Variants in CLIP1 observed in about 807,000 individuals in gnomAD.
CLIP1 encodes the protein CAP-Gly domain containing linker protein 1.
CLIP1 carries 66 observed loss-of-function variants against 161.6 expected under a neutral mutation model. That is an observed-to-expected ratio of 0.41 (90% CI 0.33 to 0.50). The LOEUF (loss-of-function observed/expected upper bound fraction) is 0.50. CLIP1 is among the 20% of genes least tolerant of loss of function. CLIP1 has a pLI of 0.27. For synonymous variants in CLIP1, 598 were observed against 626.2 expected, an observed-to-expected ratio of 0.96 and a Z score of 0.67; for missense variants, 1,376 against 1,702.0, an observed-to-expected ratio of 0.81 and a Z score of 3.37.
In CLIP1 at chr12:122,334,538, G is replaced by C. The variant is rs1321464153; in HGVS notation, c.2626+110C>G. On this transcript the variant is annotated intron_variant, in intron 13 of 25. Coordinates refer to ENST00000620786, the MANE Select transcript of CLIP1 (RefSeq NM_001247997.2). ...CTGAGCACGGCAGGAACTTCCAGGA[G>C]AGTGAAATTAGGCTACGAGCAGTGT... The C allele has an allele frequency of 8.2e-6, 6 of 735,330 alleles. No individual in the cohort carries two copies. The East Asian group carries it at 1.6e-4, about 20-fold the overall frequency. The allele number at this position is 735,330 out of a possible 1,614,324, so 45.6% of individuals were successfully genotyped here. A position where few individuals can be genotyped will look rare whatever the true frequency, so the allele number is the denominator to read the frequency against.
rs1398687991 is a variant in CLIP1, at chr12:122,309,797, C to T, written c.3559G>A (p.Gly1187Arg). The change falls in exon 20 of 26, where the codon GGG becomes AGG. Residue 1187 changes from glycine (G) to arginine (R), a missense_variant. Transcript: ENST00000620786. The stretch of plus-strand genomic sequence containing the variant: ...CTTGTGACTTCGTCCCTGCTTCTCC[C>T]CAGCTCCTCAGCAAGTTTAACGTTC... ...EENVKLAEEL[G>R]RSRDEVTSHQ... 6.2e-7 allele frequency: 1 copy of T among 1,613,252 alleles called. No individual in the cohort carries two copies.
chr12:122,336,096 C>T (rs980728316), intron 12 of CLIP1, among the ~76,000 whole-genome samples: 9 of 152,102 alleles, frequency 5.9e-5, no homozygotes, highest in Non-Finnish European at 1.0e-4. Flanking sequence ...ATATGCCATA[C>T]AACTTGAGAT....
chr12:122,376,740 G>A (rs1047988178), intron 3 of CLIP1, among the ~76,000 whole-genome samples: 1 of 152,008 alleles, frequency 6.6e-6, no homozygotes, highest in South Asian at 2.1e-4. Context: ...AAAGTGCTGG[G>A]ATTACAGGCA....
intron 3 of CLIP1, among the ~76,000 whole-genome samples, chr12:122,368,269 G>A (rs537308638): frequency 9.2e-5 from 14 of 152,234 alleles, no homozygotes; most frequent in African/African-American, 3.4e-4. Flanking sequence ...GGCCATTGAG[G>A]GAGACAGACA....
At position 122,273,038 on chromosome 12, in the gene CLIP1, A is replaced by G; in HGVS notation, c.4154T>C (p.Phe1385Ser). The change falls in exon 26 of 26, where the codon TTT (phenylalanine) becomes TCT (serine). Residue 1385 changes from phenylalanine to serine, a missense_variant. Phe to Ser is a radical substitution (Grantham distance 155, BLOSUM62 -2). Around this residue, in one of 6 missense-constraint regions of CLIP1, gnomAD observed 948 missense variants for 1,134.8 expected, o/e 0.84. Transcript: ENST00000620786. The stretch of plus-strand genomic sequence containing the variant: ...ACAATCCTCTGTGTCGTGGAGATCA[A>G]AGCAGTCACAAATGTCACAGAAGAG... ...PRLFCDICDC[F>S]DLHDTEDCPT... The G allele has an allele frequency of 6.2e-7, 1 of 1,614,204 alleles. No homozygotes were observed. The highest frequency in any genetic ancestry group is 8.5e-7 in the Non-Finnish European group (1 of 1,180,030).
At chr12:122,327,873 T>G in intron 17 of CLIP1, 74 bp downstream of exon 17, 1 of 1,434,130 alleles carries the variant, frequency 7.0e-7, no homozygotes. Context: ...GCTGCTGCTT[T>G]CTAAGCACCC....
intron 3 of CLIP1, chr12:122,365,388 A>AC (rs2136637716): frequency 1.2e-6 from 1 of 848,764 alleles, no homozygotes; most frequent in East Asian, 2.4e-5. Flanking sequence ...TTGTAAACAA[A>AC]CAAGGGCAAG....
intron 1 of CLIP1, among the ~76,000 whole-genome samples, chr12:122,409,558 G>C (rs1956451003): frequency 1.3e-5 from 2 of 152,112 alleles, no homozygotes; most frequent in Non-Finnish European, 2.9e-5. Flanking sequence ...TCAAGACAGA[G>C]TCTCACTCTG....
intron 5 of CLIP1, among the ~76,000 whole-genome samples, chr12:122,359,882 A>C (rs1953692585): frequency 6.6e-6 from 1 of 152,222 alleles, no homozygotes. Flanking sequence ...GTCTGAGGAA[A>C]GTCTGATGCC....
chr12:122,380,962 G>C (rs918015969), intron 1 of CLIP1, among the ~76,000 whole-genome samples: 1 of 152,162 alleles, frequency 6.6e-6, no homozygotes, highest in Non-Finnish European at 1.5e-5. Context: ...CCAGGAGTTT[G>C]AGGCTGCAGT....
chr12:122,341,060 G>A lies in CLIP1; in HGVS notation c.2144C>T (p.Ser715Leu), dbSNP rs1468187624. 2 of 1,613,672 alleles carry A rather than the reference G, an allele frequency of 1.2e-6. No homozygotes were observed. Among genetic ancestry groups the A allele is most frequent in the South Asian group, 1.1e-5 (1 of 91,028 alleles). Residue 715 changes from serine to leucine, a missense_variant, in exon 11 of 26, where the codon TCG (serine) becomes TTG (leucine). Coordinates refer to ENST00000620786, the MANE Select transcript of CLIP1 (RefSeq NM_001247997.2). Reference sequence around the variant, plus strand: ...CTGGTCTTCTGCTTTGTCCAGTTTCGACCTGATGGCTTCCAGACTGTTTTC... The same window carrying A: ...CTGGTCTTCTGCTTTGTCCAGTTTCAACCTGATGGCTTCCAGACTGTTTTC... ...EKENSLEAIR[S>L]KLDKAEDQHL...
rs1428558669 is a variant in CLIP1, at chr12:122,272,228, G to A, written c.*647C>T. On this transcript the variant is annotated 3_prime_UTR_variant, in exon 26 of 26. Transcript: ENST00000620786. ...TAAACAAAACACCACAGTAGATTAA[G>A]TGGGTGCAGCATATAGATTATAAAA... The A allele has an allele frequency of 6.6e-6, 1 of 152,656 alleles. No individual in the cohort carries two copies. Among genetic ancestry groups the A allele is most frequent in the Admixed American group, 6.6e-5 (1 of 15,266 alleles). The allele number at this position is 152,656 out of a possible 1,614,324, so 9.5% of individuals were successfully genotyped here.
intron 21 of CLIP1, among the ~76,000 whole-genome samples, chr12:122,283,622 C>A (rs1251526189): frequency 6.6e-6 from 1 of 151,964 alleles, no homozygotes; most frequent in Non-Finnish European, 1.5e-5. Context: ...CCACACCCAG[C>A]TAATTTTTGT....
intron 3 of CLIP1, 122 bp from the exon 4 acceptor site, chr12:122,364,229 G>C: frequency 8.4e-7 from 1 of 1,188,346 alleles, no homozygotes; most frequent in Non-Finnish European, 1.2e-6. Context: ...CTTTGCTTTA[G>C]CTTCTCTTTG....
intron 4 of CLIP1, 148 bp from the exon 5 acceptor site, chr12:122,361,329 G>A: frequency 1.5e-6 from 1 of 648,012 alleles, no homozygotes; most frequent in Non-Finnish European, 2.7e-6. Context: ...GCACGTAGCA[G>A]TCACATGTAT....
At chr12:122,308,120 G>A (rs144766113) in intron 20 of CLIP1, among the ~76,000 whole-genome samples, 54 of 152,284 alleles carry the variant, frequency 3.5e-4, no homozygotes, top group African/African-American at 1.1e-3. Context: ...CCCAAGTCAG[G>A]CAAAGAAACT....
In CLIP1 at chr12:122,377,564, G is replaced by C. The variant is rs769955799; in HGVS notation, c.482C>G (p.Pro161Arg). ...TSTASMVSSS[P>R]STPSNIPQKP... is the part of the protein sequence containing the mutation. ...CTGAGGGATGTTTGAAGGGGTGGAG[G>C]GGGAGGAAGACACCATGCTGGCCGT... The change falls in exon 3 of 26, where the codon CCC becomes CGC. Residue 161 changes from proline (P) to arginine (R), a missense_variant. Around this residue, in one of 6 missense-constraint regions of CLIP1, gnomAD observed 119 missense variants for 112.0 expected, o/e 1.06. Transcript: ENST00000620786. The C allele has an allele frequency of 7.4e-6, 12 of 1,613,846 alleles. No homozygotes were observed. The highest frequency in any genetic ancestry group is 2.2e-5 in the East Asian group (1 of 44,866).
At position 122,328,381 on chromosome 12, in the gene CLIP1, A is replaced by G; in HGVS notation, c.2913T>C (p.Asn971=). 6.2e-7 allele frequency: 1 copy of G among 1,612,652 alleles called. No individual in the cohort carries two copies. Among genetic ancestry groups the G allele is most frequent in the Non-Finnish European group, 8.5e-7 (1 of 1,179,578 alleles). Residue 971 remains asparagine (N), a synonymous_variant, in exon 16 of 26, where the codon AAT becomes AAC. Transcript: ENST00000620786. ...LQLKLTKANE[N]ASFLQKSIED... ...CAATACTTTTTTGCAGAAAACTTGC[A>G]TTTTCATTAGCCTTTGTAAGTTTTA...
intron 1 of CLIP1, among the ~76,000 whole-genome samples, chr12:122,396,374 C>T (rs899610150): frequency 2.6e-5 from 4 of 152,070 alleles, no homozygotes; most frequent in African/African-American, 9.7e-5. Flanking sequence ...TGTTTCCTCC[C>T]TCTTAAGAGT....
Sources: allele counts gnomAD v4.1 joint callset (sites outside exome capture counted in the v4.1 genomes callset), GRCh38; gene constraint gnomAD v4.1.1; regional missense constraint gnomAD v4.1.1; transcripts MANE v1.5; gene names NCBI Gene and HGNC (gene_info 2026-07-23, HGNC 2026-07-21).